CTTNBP2: variants seen among roughly 807,000 people sequenced by gnomAD.
CTTNBP2 encodes the protein cortactin binding protein 2, also known as cortactin-binding protein 2.
CTTNBP2 carries 108 observed loss-of-function variants against 156.9 expected under a neutral mutation model. That is an observed-to-expected ratio of 0.69 (90% CI 0.59 to 0.81). CTTNBP2 has a LOEUF of 0.81. CTTNBP2 is among the 30% of genes least tolerant of loss of function. CTTNBP2 has a pLI of 0.00. For missense variants in CTTNBP2, 1,924 were observed against 2,035.4 expected (o/e 0.95, Z 1.05); for synonymous variants, 767 against 751.8 (o/e 1.02, Z -0.33).
At chr7:117,794,064 C>T (rs903747950) in intron 3 of CTTNBP2, among the ~76,000 whole-genome samples, 4 of 152,208 alleles carry the variant, frequency 2.6e-5, no homozygotes, top group Admixed American at 6.5e-5. Context: ...AGACCTAGAA[C>T]AGTGGCTGGC....
At chr7:117,794,321 C>T (rs568908123) in intron 3 of CTTNBP2, among the ~76,000 whole-genome samples, 1 of 152,160 alleles carries the variant, frequency 6.6e-6, no homozygotes, top group Non-Finnish European at 1.5e-5. Context: ...GGCCTACATG[C>T]CTCACTTCCC....
rs773815391 is a variant in CTTNBP2 at position 117,791,772 on chromosome 7, G to A, written c.1424C>T (p.Ser475Leu). Residue 475 changes from serine to leucine, a missense_variant, in exon 4 of 23, where the codon TCG becomes TTG. By Grantham distance (145) the Ser-to-Leu change is moderately radical (BLOSUM62 -2). Coordinates refer to ENST00000160373, the MANE Select transcript of CTTNBP2 (RefSeq NM_033427.3). ...TTQSPPSRDV[S>L]PTSRDNLVAK... ...CACTAGGTTGTCACGACTTGTAGGCGAGACATCTCTTGACGGAGGACTTTG... is the reference window on the plus strand; with the variant it reads ...CACTAGGTTGTCACGACTTGTAGGCAAGACATCTCTTGACGGAGGACTTTG... 8 of 1,614,080 alleles carry A rather than the reference G, an allele frequency of 5.0e-6. No homozygotes were observed. The highest frequency in any genetic ancestry group is 2.2e-5 in the South Asian group (2 of 91,086).
intron 19 of CTTNBP2, among the ~76,000 whole-genome samples, chr7:117,723,020 T>C (rs1794888830): frequency 6.6e-6 from 1 of 152,204 alleles, no homozygotes; most frequent in Non-Finnish European, 1.5e-5. Context: ...TAATCCTTGC[T>C]ACAGAAAGTC....
At chr7:117,765,266 G>A (rs73473683) in intron 9 of CTTNBP2, among the ~76,000 whole-genome samples, 1,905 of 152,204 alleles carry the variant, frequency 0.013, 36 homozygotes, top group African/African-American at 0.043. Flanking sequence ...ATTTGCATTC[G>A]CAGCTTTTAT....
intron 9 of CTTNBP2, among the ~76,000 whole-genome samples, chr7:117,762,277 C>T (rs1797253897): frequency 6.6e-6 from 1 of 152,156 alleles, no homozygotes; most frequent in African/African-American, 2.4e-5. Context: ...TTGACATCTC[C>T]ACACAGATAT....
intron 11 of CTTNBP2, 83 bp from the exon 12 acceptor site, chr7:117,756,717 A>C: frequency 1.1e-6 from 1 of 951,632 alleles, no homozygotes; most frequent in Non-Finnish European, 1.7e-6. Flanking sequence ...CTATCATAGA[A>C]GATGAATGTG....
chr7:117,787,313 C>G (rs1437086622), intron 4 of CTTNBP2, among the ~76,000 whole-genome samples: 1 of 152,132 alleles, frequency 6.6e-6, no homozygotes, highest in Non-Finnish European at 1.5e-5. Context: ...GGTGAGCATC[C>G]TGCACAACAT....
chr7:117,793,387 T>G (rs921580549), intron 3 of CTTNBP2: 2 of 152,252 alleles, frequency 1.3e-5, no homozygotes, highest in Non-Finnish European at 2.9e-5. Flanking sequence ...GAACTACATT[T>G]GGTGTCAGTG....
intron 2 of CTTNBP2, among the ~76,000 whole-genome samples, chr7:117,835,992 G>C (rs1443266526): frequency 6.6e-6 from 1 of 152,148 alleles, no homozygotes; most frequent in Non-Finnish European, 1.5e-5. Context: ...GTAACGTACA[G>C]CACAGGCCAT....
intron 1 of CTTNBP2, among the ~76,000 whole-genome samples, chr7:117,869,271 AATT>A (rs1342671659): frequency 6.6e-6 from 1 of 152,224 alleles, no homozygotes; most frequent in Non-Finnish European, 1.5e-5. Context: ...CTATAACATT[AATT>A]ATTACAAGTC....
intron 7 of CTTNBP2, among the ~76,000 whole-genome samples, chr7:117,779,659 GTTT>G (rs906846666): frequency 1.3e-5 from 2 of 151,126 alleles, no homozygotes; most frequent in African/African-American, 4.9e-5. Context: ...AAAATAGGAA[GTTT>G]TTTTAAGAAA....
intron 6 of CTTNBP2, 49 bp downstream of exon 6, chr7:117,782,813 A>G (rs1278534360): frequency 3.7e-6 from 5 of 1,357,492 alleles, no homozygotes; most frequent in Non-Finnish European, 5.2e-6. Flanking sequence ...GCAAATTATA[A>G]AAAGAGGCTC....
chr7:117,803,368 T>C (rs1236674216), intron 3 of CTTNBP2, among the ~76,000 whole-genome samples: 3 of 151,946 alleles, frequency 2.0e-5, no homozygotes, highest in South Asian at 2.1e-4. Flanking sequence ...ATAGGAACAA[T>C]AGATGCTGAG....
At chr7:117,848,315 A>G (rs1204779429) in intron 2 of CTTNBP2, among the ~76,000 whole-genome samples, 2 of 151,762 alleles carry the variant, frequency 1.3e-5, no homozygotes, top group African/African-American at 4.8e-5. Context: ...CCCTCTCGAA[A>G]TCCCACTGTC....
At chr7:117,732,141 A>G (rs2116469979) in intron 16 of CTTNBP2, among the ~76,000 whole-genome samples, 1 of 152,298 alleles carries the variant, frequency 6.6e-6, no homozygotes, top group Non-Finnish European at 1.5e-5. Context: ...CTCAGATAAA[A>G]TGCTAACGTC....
rs1174362160 is a variant in CTTNBP2, at chr7:117,789,972, T to C, written c.2068+1156A>G. Among the ~76,000 whole-genome samples the C allele has an allele frequency of 5.3e-5, 8 of 152,188 alleles. No individual in the cohort carries two copies. In the South Asian group the frequency reaches 1.4e-3, roughly 28 times the overall value. On this transcript the variant is annotated intron_variant, in intron 4 of 22. Coordinates refer to ENST00000160373, the MANE Select transcript of CTTNBP2 (RefSeq NM_033427.3). ...AGTTGATAGCTTATAATTGGACAAA[T>C]AAATCCTAGTGTACTGCTGTCATCA...
intron 6 of CTTNBP2, among the ~76,000 whole-genome samples, chr7:117,781,674 G>A (rs1798443131): frequency 6.6e-6 from 1 of 152,198 alleles, no homozygotes. Context: ...GGAGGCGGAG[G>A]TTGCAGTGAG....
intron 6 of CTTNBP2, among the ~76,000 whole-genome samples, chr7:117,781,901 T>C (rs1040493865): frequency 7.2e-5 from 11 of 152,248 alleles, no homozygotes; most frequent in African/African-American, 2.4e-4. Context: ...AGAAATTCCT[T>C]TTGAAGGAGT....
At chr7:117,775,869 A>C (rs771957627) in intron 8 of CTTNBP2, among the ~76,000 whole-genome samples, 3 of 152,282 alleles carry the variant, frequency 2.0e-5, no homozygotes, top group Non-Finnish European at 2.9e-5. Context: ...GAATTTTTTT[A>C]TCTCTTTTGT....
Sources: allele counts gnomAD v4.1 joint callset (sites outside exome capture counted in the v4.1 genomes callset), GRCh38; gene constraint gnomAD v4.1.1; transcripts MANE v1.5; gene names NCBI Gene and HGNC (gene_info 2026-07-23, HGNC 2026-07-21).